The following CCR8 variants were observed in gnomAD, a reference collection of about 807,000 sequenced individuals.
The protein encoded by CCR8 is C-C chemokine receptor type 8.
For synonymous variants in CCR8, 156 were observed against 165.7 expected (o/e 0.94, Z 0.45); for missense variants, 358 against 417.5 (o/e 0.86, Z 1.24).
chr3:39,331,795 C>CTT (rs1463085077), intron 1 of CCR8, among the ~76,000 whole-genome samples: 2 of 120,978 alleles, frequency 1.7e-5, no homozygotes, highest in African/African-American at 5.8e-5. Flanking sequence ...CCTCATTTAA[C>CTT]CTTTTTTTTT....
Position 39,333,349 on chromosome 3 carries a change from T to A in CCR8, c.1018T>A (p.Ser340Thr). ...MPRESCEKSS[S>T]CQQHSSRSSS... is the part of the protein sequence containing the mutation. ...TAGGGAGAGCTGTGAAAAGTCATCATCCTGCCAGCAGCACTCCTCCCGTTC... is the reference window on the plus strand; with the variant it reads ...TAGGGAGAGCTGTGAAAAGTCATCAACCTGCCAGCAGCACTCCTCCCGTTC... Residue 340 changes from serine (S) to threonine (T), a missense_variant, in exon 2 of 2, where the codon TCC (serine) becomes ACC (threonine). Coordinates refer to ENST00000326306, the MANE Select transcript of CCR8 (RefSeq NM_005201.4). 1 of 1,613,984 alleles carries A rather than the reference T, an allele frequency of 6.2e-7. No individual in the cohort carries two copies. The highest frequency in any genetic ancestry group is 8.5e-7 in the Non-Finnish European group (1 of 1,179,958).
chr3:39,329,939 A>G (rs1285031676), intron 1 of CCR8, 110 bp downstream of exon 1: 2 of 152,188 alleles, frequency 1.3e-5, no homozygotes, highest in African/African-American at 2.4e-5. Flanking sequence ...GTCTAGCACA[A>G]GAAGTAAAAT....
intron 1 of CCR8, 126 bp from the exon 2 acceptor site, chr3:39,332,192 C>T (rs921846031): frequency 9.1e-5 from 57 of 625,070 alleles, no homozygotes; most frequent in East Asian, 3.0e-4. Context: ...ACACCCACAC[C>T]GGAGGTTGAG....
At position 39,332,315 on chromosome 3, in the gene CCR8, C is replaced by T. The variant is rs190377364; in HGVS notation, c.-14-3C>T. 4.2e-4 allele frequency: 640 copies of T among 1,526,454 alleles called. 6 individuals are homozygous for T. The South Asian group carries it at 5.9e-3, about 14-fold the overall frequency. 94.6% of individuals were successfully genotyped at this position (1,526,454 alleles called of 1,614,324 possible). On this transcript the variant is annotated splice_region_variant and splice_polypyrimidine_tract_variant and intron_variant, in intron 1 of 1. Transcript: ENST00000326306. Reference sequence around the variant, plus strand: ...AATGTCTTTTATGTGTCTCTGTGACCAGGTCCCGCTGCCTTGATGGATTAT... The same window carrying T: ...AATGTCTTTTATGTGTCTCTGTGACTAGGTCCCGCTGCCTTGATGGATTAT...
chr3:39,332,698 T>A lies in CCR8; in HGVS notation c.367T>A (p.Phe123Ile), dbSNP rs994986611. The change falls in exon 2 of 2, where the codon TTC becomes ATC. Residue 123 changes from phenylalanine (F) to isoleucine (I), a missense_variant. Physicochemically the swap from Phe to Ile is conservative, Grantham distance 21. Transcript: ENST00000326306. ...CATTGGCTTCTACAGCAGCATGTTT[T>A]TCATCACCCTCATGAGTGTGGACAG... ...YYIGFYSSMFFITLMSVDRYL... is the reference protein window; with the variant it reads ...YYIGFYSSMFIITLMSVDRYL... 3.1e-6 allele frequency: 5 copies of A among 1,614,056 alleles called. No individual in the cohort carries two copies. The African/African-American group carries it at 5.3e-5, about 17-fold the overall frequency.
rs753238059 is a variant in CCR8 at position 39,333,092 on chromosome 3, T to A, written c.761T>A (p.Phe254Tyr). 6.2e-7 allele frequency: 1 copy of A among 1,614,122 alleles called. No homozygotes were observed. The stretch of plus-strand genomic sequence containing the variant: ...GCATCTTTACTTTTCTGGGTCCCAT[T>A]CAACGTGGTTCTTTTCCTCACTTCC... Reference protein sequence around the residue: ...VIASLLFWVPFNVVLFLTSLH... With the variant: ...VIASLLFWVPYNVVLFLTSLH... Residue 254 changes from phenylalanine to tyrosine, a missense_variant, in exon 2 of 2, where the codon TTC (phenylalanine) becomes TAC (tyrosine). Physicochemically the swap from Phe to Tyr is conservative, Grantham distance 22. Transcript: ENST00000326306.
intron 1 of CCR8, among the ~76,000 whole-genome samples, chr3:39,330,101 T>C (rs2041245436): frequency 6.6e-6 from 1 of 152,180 alleles, no homozygotes; most frequent in African/African-American, 2.4e-5. Flanking sequence ...GGAAGGTAGA[T>C]AAGAGAAGAT....
At position 39,332,212 on chromosome 3, in the gene CCR8, A is replaced by G. The variant is rs116006321; in HGVS notation, c.-14-106A>G. On this transcript the variant is annotated intron_variant, in intron 1 of 1. Coordinates refer to ENST00000326306, the MANE Select transcript of CCR8 (RefSeq NM_005201.4). The stretch of plus-strand genomic sequence containing the variant: ...CACACCGGAGGTTGAGCACTTCAAC[A>G]CATGAATTTGGGGAGGACACAGTTC... The G allele has an allele frequency of 1.5e-3, 1,002 of 676,050 alleles. 12 individuals are homozygous for G. In the African/African-American group the frequency reaches 0.016, roughly 11 times the overall value. The allele number at this position is 676,050 out of a possible 1,614,324, so 41.9% of individuals were successfully genotyped here. A position where few individuals can be genotyped will look rare whatever the true frequency, so the allele number is the denominator to read the frequency against.
At chr3:39,331,460 G>C (rs2041254798) in intron 1 of CCR8, among the ~76,000 whole-genome samples, 1 of 150,158 alleles carries the variant, frequency 6.7e-6, no homozygotes, top group South Asian at 2.1e-4. Context: ...GCCTTTTTTG[G>C]TTTTGTTTCT....
At chr3:39,331,527 C>T (rs1476869347) in intron 1 of CCR8, among the ~76,000 whole-genome samples, 1 of 151,768 alleles carries the variant, frequency 6.6e-6, no homozygotes, top group Non-Finnish European at 1.5e-5. Flanking sequence ...AGTACAGTGG[C>T]TTGATCTCGA....
intron 1 of CCR8, among the ~76,000 whole-genome samples, chr3:39,330,359 T>A (rs559691154): frequency 3.7e-4 from 57 of 152,268 alleles, no homozygotes; most frequent in South Asian, 6.2e-4. Context: ...ACTACTGTAC[T>A]CCAGCTTGGG....
rs773377839 is a variant in CCR8, at chr3:39,333,149, G to C, written c.818G>C (p.Ser273Thr). ...LHSMHILDGC[S>T]ISQQLTYATH... ...AGTATGCACATCTTGGATGGATGTA[G>C]CATAAGCCAACAGCTGACTTATGCC... The change falls in exon 2 of 2, where the codon AGC becomes ACC. Residue 273 changes from serine to threonine, a missense_variant. By Grantham distance (58) the Ser-to-Thr change is moderately conservative. Transcript: ENST00000326306. 1.1e-5 allele frequency: 18 copies of C among 1,613,936 alleles called. No homozygotes were observed. Among genetic ancestry groups the C allele is most frequent in the Non-Finnish European group, 1.5e-5 (18 of 1,179,982 alleles).
At chr3:39,330,555 C>T (rs2041248270) in intron 1 of CCR8, among the ~76,000 whole-genome samples, 1 of 152,076 alleles carries the variant, frequency 6.6e-6, no homozygotes, top group Admixed American at 6.6e-5. Flanking sequence ...GAAGAATTGT[C>T]AAGTTTTATA....
chr3:39,332,647 T>A lies in CCR8; in HGVS notation c.316T>A (p.Cys106Ser). 1 of 1,614,188 alleles carries A rather than the reference T, an allele frequency of 6.2e-7. No homozygotes were observed. The highest frequency in any genetic ancestry group is 1.1e-5 in the South Asian group (1 of 91,086). ...LDQWVFGTVM[C>S]KVVSGFYYIG... ...CCAGTGGGTGTTTGGGACTGTAATG[T>A]GCAAAGTGGTGTCTGGCTTTTATTA... The change falls in exon 2 of 2, where the codon TGC (cysteine) becomes AGC (serine). Residue 106 changes from cysteine (C) to serine (S), a missense_variant. Transcript: ENST00000326306.
chr3:39,332,685 C>T lies in CCR8; in HGVS notation c.354C>T (p.Tyr118=), dbSNP rs1014682419. ...CTGGCTTTTATTACATTGGCTTCTA[C>T]AGCAGCATGTTTTTCATCACCCTCA... The part of the protein sequence containing the change: ...VVSGFYYIGF[Y]SSMFFITLMS... Residue 118 remains tyrosine (Y), a synonymous_variant, in exon 2 of 2, where the codon TAC becomes TAT. Transcript: ENST00000326306. The T allele has an allele frequency of 9.9e-6, 16 of 1,614,132 alleles. No individual in the cohort carries two copies. The highest frequency in any genetic ancestry group is 1.7e-5 in the Admixed American group (1 of 60,022).
rs1187022794 is a variant in CCR8 at position 39,333,031 on chromosome 3, A to G, written c.700A>G (p.Thr234Ala). 7 of 1,614,106 alleles carry G rather than the reference A, an allele frequency of 4.3e-6. No individual in the cohort carries two copies. The South Asian group carries it at 7.7e-5, about 18-fold the overall frequency. ...GAAGAGGTGTCAAAACCACAACAAG[A>G]CCAAGGCCATCAGGTTGGTGCTCAT... Reference protein sequence around the residue: ...QLKRCQNHNKTKAIRLVLIVV... With the variant: ...QLKRCQNHNKAKAIRLVLIVV... Residue 234 changes from threonine (T) to alanine (A), a missense_variant, in exon 2 of 2, where the codon ACC becomes GCC. By Grantham distance (58) the Thr-to-Ala change is moderately conservative. Transcript: ENST00000326306.
At chr3:39,329,993 A>T (rs549580577) in intron 1 of CCR8, among the ~76,000 whole-genome samples, 164 bp downstream of exon 1, 2 of 152,284 alleles carry the variant, frequency 1.3e-5, no homozygotes, top group South Asian at 4.1e-4. Flanking sequence ...ACAAACATGC[A>T]TGTGTCTTAG....
intron 1 of CCR8, among the ~76,000 whole-genome samples, chr3:39,330,147 T>C (rs2041245665): frequency 6.6e-6 from 1 of 152,164 alleles, no homozygotes; most frequent in Admixed American, 6.5e-5. Context: ...AGATCTGTCC[T>C]TGTGCTGGGT....
intron 1 of CCR8, among the ~76,000 whole-genome samples, chr3:39,331,429 G>C (rs1303363570): frequency 6.6e-6 from 1 of 152,084 alleles, no homozygotes; most frequent in African/African-American, 2.4e-5. Context: ...AAGGACACTA[G>C]TTCTATCAGA....
Sources: allele counts gnomAD v4.1 joint callset (sites outside exome capture counted in the v4.1 genomes callset), GRCh38; gene constraint gnomAD v4.1.1; transcripts MANE v1.5; gene names NCBI Gene and HGNC (gene_info 2026-07-23, HGNC 2026-07-21).